Variants in SORL1 observed in about 807,000 individuals in gnomAD.
The protein encoded by SORL1 is sortilin related receptor 1, also known as sortilin-related receptor.
SORL1 carries 127 observed loss-of-function variants against 273.7 expected under a neutral mutation model. That is an observed-to-expected ratio of 0.46 (90% CI 0.40 to 0.54). SORL1 has a LOEUF of 0.54. Among genes scored for constraint, SORL1 ranks in the 20% least tolerant of loss-of-function variants. The pLI is 0.00. For synonymous variants in SORL1, 1,031 were observed against 1,067.4 expected, an observed-to-expected ratio of 0.97 and a Z score of 0.66; for missense variants, 2,494 against 2,846.1, an observed-to-expected ratio of 0.88 and a Z score of 2.81.
chr11:121,620,017 C>T, intron 43 of SORL1, 100 bp downstream of exon 43: 1 of 936,178 alleles, frequency 1.1e-6, no homozygotes, highest in East Asian at 2.4e-5. Flanking sequence ...AAACACAGGC[C>T]TGGTTTCTGG....
intron 1 of SORL1, among the ~76,000 whole-genome samples, chr11:121,463,404 A>G (rs1240601125): frequency 6.6e-6 from 1 of 152,202 alleles, no homozygotes; most frequent in East Asian, 1.9e-4. Flanking sequence ...ACCAGGACAG[A>G]GTGGCACACA....
At chr11:121,546,605 T>C (rs1862430486) in intron 14 of SORL1, among the ~76,000 whole-genome samples, 2 of 152,202 alleles carry the variant, frequency 1.3e-5, no homozygotes, top group Non-Finnish European at 2.9e-5. Flanking sequence ...ACCTCTGATG[T>C]ATTCTAGACC....
intron 6 of SORL1, among the ~76,000 whole-genome samples, chr11:121,497,905 T>C (rs1861655733): frequency 1.3e-5 from 2 of 152,172 alleles, no homozygotes; most frequent in Non-Finnish European, 2.9e-5. Context: ...CGTAATCTTT[T>C]CCTTCAGATT....
chr11:121,586,895 G>A (rs1863124004), intron 27 of SORL1, among the ~76,000 whole-genome samples: 1 of 152,102 alleles, frequency 6.6e-6, no homozygotes, highest in South Asian at 2.1e-4. Flanking sequence ...GTGTGGCTGG[G>A]ACTTGGGACA....
At chr11:121,599,825 T>C (rs1863359606) in intron 32 of SORL1, among the ~76,000 whole-genome samples, 1 of 152,216 alleles carries the variant, frequency 6.6e-6, no homozygotes, top group Non-Finnish European at 1.5e-5. Context: ...TTGATAAACC[T>C]TAAAAGATTC....
intron 9 of SORL1, among the ~76,000 whole-genome samples, 154 bp from the exon 10 acceptor site, chr11:121,522,432 G>A (rs1448993429): frequency 2.6e-5 from 4 of 152,176 alleles, no homozygotes; most frequent in African/African-American, 9.7e-5. Context: ...TGTCTGGGGG[G>A]TGTGGGGACA....
rs1863846458 is a variant in SORL1 at position 121,629,626 on chromosome 11, G to C, written c.*63G>C. 1 of 817,802 alleles carries C rather than the reference G, an allele frequency of 1.2e-6. No homozygotes were observed. 50.7% of individuals were successfully genotyped at this position (817,802 alleles called of 1,614,324 possible). On this transcript the variant is annotated 3_prime_UTR_variant, in exon 48 of 48. Transcript: ENST00000260197. ...TTTTATTTGATAAAGATAGTTGATG[G>C]TTTATTTTAAAAGATGCACTTTGAG...
intron 23 of SORL1, among the ~76,000 whole-genome samples, chr11:121,573,332 C>T (rs1862876562): frequency 6.6e-6 from 1 of 152,182 alleles, no homozygotes; most frequent in South Asian, 2.1e-4. Context: ...GTCTTTCTGG[C>T]TGGGCGTGGT....
chr11:121,562,410 A>G (rs1365793743), intron 21 of SORL1, among the ~76,000 whole-genome samples: 2 of 152,198 alleles, frequency 1.3e-5, no homozygotes, highest in African/African-American at 2.4e-5. Context: ...CCACTGTCCA[A>G]AAATATATAT....
At chr11:121,502,702 A>G (rs1861729930) in intron 6 of SORL1, among the ~76,000 whole-genome samples, 1 of 152,134 alleles carries the variant, frequency 6.6e-6, no homozygotes, top group Non-Finnish European at 1.5e-5. Flanking sequence ...ATGGATGTCT[A>G]TTCAAGTCCT....
intron 11 of SORL1, among the ~76,000 whole-genome samples, chr11:121,523,247 A>T (rs1862067743): frequency 6.6e-6 from 1 of 152,202 alleles, no homozygotes; most frequent in Non-Finnish European, 1.5e-5. Context: ...GGCAAAGACA[A>T]TGTCTGTTTT....
intron 42 of SORL1, 91 bp from the exon 43 acceptor site, chr11:121,619,662 T>A (rs1863693034): frequency 9.6e-7 from 1 of 1,038,912 alleles, no homozygotes; most frequent in Non-Finnish European, 1.4e-6. Context: ...GAATTTTAAT[T>A]GTTGTCATTA....
intron 40 of SORL1, among the ~76,000 whole-genome samples, chr11:121,613,734 C>T (rs187107072): frequency 1.8e-4 from 27 of 152,304 alleles, no homozygotes; most frequent in African/African-American, 3.4e-4. Context: ...ATAAGTCATA[C>T]GCTCAGACGG....
chr11:121,551,736 C>T (rs1276263000), intron 16 of SORL1, among the ~76,000 whole-genome samples: 1 of 152,178 alleles, frequency 6.6e-6, no homozygotes, highest in Non-Finnish European at 1.5e-5. Flanking sequence ...CTCACTGCCG[C>T]CAGCTTGCCC....
At position 121,590,398 on chromosome 11, in the gene SORL1, A is replaced by C. The variant is rs1376717469; in HGVS notation, c.4213+224A>C. ...TTCCGTATTTGCAGGGCAGAGTGAG[A>C]AGTCTAGAGCCTTCCTACTCAAAGT... is the stretch of plus-strand genomic sequence containing the variant. On this transcript the variant is annotated intron_variant, in intron 30 of 47. Coordinates refer to ENST00000260197, the MANE Select transcript of SORL1 (RefSeq NM_003105.6). 4 of 531,296 alleles carry C rather than the reference A, an allele frequency of 7.5e-6. No individual in the cohort carries two copies. In the South Asian group the frequency reaches 9.8e-5, roughly 13 times the overall value. The allele number at this position is 531,296 out of a possible 1,614,324, so 32.9% of individuals were successfully genotyped here. A position where few individuals can be genotyped will look rare whatever the true frequency, so the allele number is the denominator to read the frequency against.
chr11:121,516,239 T>G (rs1299973925), intron 8 of SORL1, among the ~76,000 whole-genome samples: 1 of 152,114 alleles, frequency 6.6e-6, no homozygotes, highest in Non-Finnish European at 1.5e-5. Context: ...TACAGGCCAG[T>G]AGGGATGGAT....
chr11:121,529,475 C>G (rs1327095644), intron 11 of SORL1, among the ~76,000 whole-genome samples: 1 of 152,196 alleles, frequency 6.6e-6, no homozygotes, highest in Non-Finnish European at 1.5e-5. Flanking sequence ...CCTTGGCCTC[C>G]CAAAGTGCTG....
At chr11:121,613,037 G>A (rs1863589629) in intron 40 of SORL1, among the ~76,000 whole-genome samples, 1 of 152,160 alleles carries the variant, frequency 6.6e-6, no homozygotes, top group Non-Finnish European at 1.5e-5. Flanking sequence ...GGCCCCTCGA[G>A]CCCTCCTCCA....
At chr11:121,590,974 G>T (rs1253313585) in intron 30 of SORL1, 27 bp from the exon 31 acceptor site, 4 of 1,613,962 alleles carry the variant, frequency 2.5e-6, no homozygotes, top group African/African-American at 1.3e-5. Flanking sequence ...TAATGTTTTG[G>T]GTTTCCGTGC....
Sources: gnomAD v4.1 joint callset for allele counts (sites outside exome capture counted in the v4.1 genomes callset) on GRCh38, gnomAD v4.1.1 for gene constraint, MANE v1.5 for transcripts, NCBI Gene and HGNC (gene_info 2026-07-23, HGNC 2026-07-21) for gene names.